The following CLASP1 variants were observed in gnomAD, a reference collection of about 807,000 sequenced individuals.
The protein encoded by CLASP1 is cytoplasmic linker associated protein 1, also known as CLIP-associating protein 1.
CLASP1 carries 38 observed loss-of-function variants against 192.3 expected under a neutral mutation model. That is an observed-to-expected ratio of 0.20 (90% CI 0.15 to 0.26). The LOEUF is 0.26. Among genes scored for constraint, CLASP1 ranks in the 10% least tolerant of loss-of-function variants. CLASP1 has a pLI of 1.00. For missense variants in CLASP1, 1,433 were observed against 1,932.5 expected (o/e 0.74, Z 4.85); for synonymous variants, 691 against 712.8 (o/e 0.97, Z 0.49).
In CLASP1 at chr2:121,548,567, G is replaced by A. The variant is rs149263630; in HGVS notation, c.196-18242C>T. On this transcript the variant is annotated intron_variant, in intron 2 of 39. Transcript: ENST00000263710. ...AATTCAGGAAATACAGAGAACTCCT[G>A]CAAGATGCTACACATGAAGATCACC... is the stretch of plus-strand genomic sequence containing the variant. Among the ~76,000 whole-genome samples, 34 of 152,206 alleles carry A rather than the reference G, an allele frequency of 2.2e-4. No individual in the cohort carries two copies. The East Asian group carries it at 6.6e-3, about 29-fold the overall frequency.
chr2:121,354,299 GAA>G (rs1353198846), intron 37 of CLASP1, among the ~76,000 whole-genome samples: 2 of 152,172 alleles, frequency 1.3e-5, no homozygotes, highest in Non-Finnish European at 2.9e-5. Context: ...TAGTTCTTTG[GAA>G]AAGAGACTTC....
At chr2:121,348,328 A>G (rs2063735839) in intron 38 of CLASP1, among the ~76,000 whole-genome samples, 184 bp downstream of exon 39, 1 of 152,136 alleles carries the variant, frequency 6.6e-6, no homozygotes, top group South Asian at 2.1e-4. Flanking sequence ...CATTCAGGAG[A>G]GGGGGTGAGC....
intron 34 of CLASP1, among the ~76,000 whole-genome samples, chr2:121,374,573 A>G (rs1425844658): frequency 6.6e-6 from 1 of 152,260 alleles, no homozygotes; most frequent in African/African-American, 2.4e-5. Flanking sequence ...ACGCAATGTC[A>G]GTCCATGAAA....
intron 9 of CLASP1, 129 bp from the exon 10 acceptor site, chr2:121,462,734 C>T: frequency 1.6e-6 from 1 of 622,868 alleles, no homozygotes; most frequent in South Asian, 2.1e-5. Context: ...TAAAAGGCTT[C>T]ATATAACTTT....
chr2:121,524,073 A>G (rs868450491), intron 6 of CLASP1, among the ~76,000 whole-genome samples: 22 of 152,286 alleles, frequency 1.4e-4, no homozygotes, highest in Middle Eastern at 3.4e-3. Context: ...ACAGAAGTGC[A>G]TTTAGAGGTG....
At chr2:121,368,758 C>T (rs990453577) in intron 34 of CLASP1, among the ~76,000 whole-genome samples, 11 of 152,168 alleles carry the variant, frequency 7.2e-5, no homozygotes, top group African/African-American at 2.7e-4. Context: ...TTTACTTGTG[C>T]TGATGACAAG....
intron 8 of CLASP1, among the ~76,000 whole-genome samples, chr2:121,480,363 G>A (rs1175774583): frequency 1.3e-5 from 2 of 152,196 alleles, no homozygotes; most frequent in Non-Finnish European, 2.9e-5. Flanking sequence ...CCCCCTGCAG[G>A]TGCAGATCAA....
intron 19 of CLASP1, among the ~76,000 whole-genome samples, chr2:121,433,991 T>C (rs2081913603): frequency 6.6e-6 from 1 of 152,242 alleles, no homozygotes; most frequent in Non-Finnish European, 1.5e-5. Flanking sequence ...TATCCAGTCT[T>C]TGATACAACT....
At chr2:121,432,947 G>GT (rs2081680604) in intron 19 of CLASP1, among the ~76,000 whole-genome samples, 1 of 152,174 alleles carries the variant, frequency 6.6e-6, no homozygotes, top group Non-Finnish European at 1.5e-5. Flanking sequence ...AATAGAAGCA[G>GT]TGAGGGTAAG....
intron 2 of CLASP1, chr2:121,532,281 T>C (rs768197606): frequency 1.3e-5 from 2 of 152,244 alleles, no homozygotes; most frequent in Non-Finnish European, 2.9e-5. Context: ...TGTAAACAGA[T>C]TTTTTAAATA....
intron 11 of CLASP1, 119 bp from the exon 12 acceptor site, chr2:121,460,244 T>C (rs1031157114): frequency 5.3e-6 from 4 of 759,674 alleles, no homozygotes; most frequent in African/African-American, 5.2e-5. Context: ...ATTAGAAAGC[T>C]TTCCCAAAAG....
intron 2 of CLASP1, among the ~76,000 whole-genome samples, chr2:121,539,103 C>G (rs1348001891): frequency 6.6e-6 from 1 of 152,146 alleles, no homozygotes; most frequent in Non-Finnish European, 1.5e-5. Flanking sequence ...TTGATCTAAA[C>G]ATTCAATAAC....
intron 34 of CLASP1, among the ~76,000 whole-genome samples, chr2:121,370,510 A>G (rs557005294): frequency 2.0e-5 from 3 of 152,270 alleles, no homozygotes; most frequent in African/African-American, 7.2e-5. Context: ...TATTTAGTAG[A>G]GATGGGGTTT....
intron 8 of CLASP1, among the ~76,000 whole-genome samples, chr2:121,488,460 T>C (rs1008523677): frequency 2.0e-5 from 3 of 152,198 alleles, no homozygotes; most frequent in Non-Finnish European, 4.4e-5. Flanking sequence ...AAACTGCCCA[T>C]GCAGAGGTGG....
At chr2:121,372,821 C>G (rs1014627815) in intron 34 of CLASP1, among the ~76,000 whole-genome samples, 1 of 152,218 alleles carries the variant, frequency 6.6e-6, no homozygotes, top group African/African-American at 2.4e-5. Context: ...GGGAATACCC[C>G]AGTGAGCACA....
At chr2:121,488,422 G>C (rs1053625162) in intron 8 of CLASP1, among the ~76,000 whole-genome samples, 1 of 152,222 alleles carries the variant, frequency 6.6e-6, no homozygotes, top group African/African-American at 2.4e-5. Context: ...AATGAAGGTG[G>C]ACAGCCATGC....
intron 1 of CLASP1, among the ~76,000 whole-genome samples, chr2:121,628,116 C>T (rs945712442): frequency 6.6e-6 from 1 of 152,048 alleles, no homozygotes; most frequent in South Asian, 2.1e-4. Flanking sequence ...ACTGCTTTTA[C>T]TAAAATGAAA....
chr2:121,561,511 T>C (rs1177497248), intron 2 of CLASP1, among the ~76,000 whole-genome samples: 5 of 152,128 alleles, frequency 3.3e-5, no homozygotes, highest in Admixed American at 1.3e-4. Flanking sequence ...AAGTATCCAA[T>C]CTTTTGGTTT....
intron 2 of CLASP1, among the ~76,000 whole-genome samples, chr2:121,533,504 G>T (rs1185625782): frequency 1.3e-5 from 2 of 152,158 alleles, no homozygotes; most frequent in Non-Finnish European, 2.9e-5. Context: ...CTGGCACGTG[G>T]TAAGGGTACT....
Sources: allele counts gnomAD v4.1 joint callset (sites outside exome capture counted in the v4.1 genomes callset), GRCh38; gene constraint gnomAD v4.1.1; transcripts MANE v1.5; gene names NCBI Gene and HGNC (gene_info 2026-07-23, HGNC 2026-07-21).